The following SCAPER variants were observed in gnomAD, a reference collection of about 807,000 sequenced individuals.
The protein encoded by SCAPER is S phase cyclin A-associated protein in the endoplasmic reticulum.
Under a neutral mutation model 182.2 loss-of-function variants are expected in SCAPER, and 98 were observed. That is an observed-to-expected ratio of 0.54 (90% CI 0.46 to 0.64). The LOEUF (loss-of-function observed/expected upper bound fraction) is 0.64, where lower values mean the gene tolerates loss of function less well. SCAPER is among the 30% of genes least tolerant of loss of function. The probability of loss-of-function intolerance (pLI) is 0.00; values close to 1 mark genes in which losing one functional copy is unlikely to be tolerated. For synonymous variants in SCAPER, 605 were observed against 564.6 expected, an observed-to-expected ratio of 1.07 and a Z score of -1.01; for missense variants, 1,432 against 1,690.0, an observed-to-expected ratio of 0.85 and a Z score of 2.68.
chr15:76,740,399 T>C (rs906772451), intron 15 of SCAPER, among the ~76,000 whole-genome samples: 6 of 152,138 alleles, frequency 3.9e-5, no homozygotes, highest in African/African-American at 9.6e-5. Context: ...TCATAAAAAA[T>C]TGACTCAGAA....
Position 76,667,650 on chromosome 15 carries a change from A to C in SCAPER, c.2509-1861T>G, listed in dbSNP as rs1309864372. Among the ~76,000 whole-genome samples the C allele has an allele frequency of 2.8e-3, 289 of 103,888 alleles. 2 individuals carry two copies. The highest frequency in any genetic ancestry group is 9.8e-3 in the African/African-American group (269 of 27,370). 68.2% of individuals were successfully genotyped at this position (103,888 alleles called of 152,430 possible). A position where few individuals can be genotyped will look rare whatever the true frequency, so the allele number is the denominator to read the frequency against. ...CAAAAAAAAAAAAAAAAAAAAAAAA[A>C]AAAAAAAAAAAACGCTCCTCAGCCA... On this transcript the variant is annotated intron_variant, in intron 20 of 31. Coordinates refer to ENST00000563290, the MANE Select transcript of SCAPER (RefSeq NM_020843.4).
chr15:76,821,348 G>A (rs1186982442), intron 5 of SCAPER, among the ~76,000 whole-genome samples: 1 of 152,236 alleles, frequency 6.6e-6, no homozygotes, highest in Non-Finnish European at 1.5e-5. Context: ...GCCAAGTAAG[G>A]TGGCTCACGC....
chr15:76,504,850 T>C lies in SCAPER; in HGVS notation c.2954+9A>G. ...AAACGTAAAAAATAGATTAAGAAACTATACTTACTTAGGAGGAATTCTTAA... is the reference window on the plus strand; with the variant it reads ...AAACGTAAAAAATAGATTAAGAAACCATACTTACTTAGGAGGAATTCTTAA... On this transcript the variant is annotated intron_variant, in intron 24 of 31. Transcript: ENST00000563290. 1.3e-6 allele frequency: 2 copies of C among 1,585,664 alleles called. No individual in the cohort carries two copies. The highest frequency in any genetic ancestry group is 1.4e-5 in the African/African-American group (1 of 73,666).
chr15:76,406,644 ACACACT>A (rs370869606), intron 26 of SCAPER, among the ~76,000 whole-genome samples: 1 of 122,878 alleles, frequency 8.1e-6, no homozygotes, highest in Admixed American at 8.6e-5. Context: ...ACACACACAC[ACACACT>A]AGCAAACAAA....
At chr15:76,657,964 G>A (rs138923533) in intron 21 of SCAPER, among the ~76,000 whole-genome samples, 1 of 152,086 alleles carries the variant, frequency 6.6e-6, no homozygotes, top group Admixed American at 6.5e-5. Context: ...ATATCATACT[G>A]AACAGGCAAA....
At chr15:76,420,317 G>C (rs561572414) in intron 26 of SCAPER, among the ~76,000 whole-genome samples, 4 of 136,830 alleles carry the variant, frequency 2.9e-5, no homozygotes, top group African/African-American at 1.1e-4. Context: ...AGATCCTCTT[G>C]CCTTAGTCTC....
At chr15:76,364,955 G>A (rs2041708140) in intron 29 of SCAPER, among the ~76,000 whole-genome samples, 1 of 152,014 alleles carries the variant, frequency 6.6e-6, no homozygotes, top group Non-Finnish European at 1.5e-5. Context: ...CCCTGAACCT[G>A]CCAGGCCATT....
At chr15:76,740,525 C>G (rs952528401) in intron 15 of SCAPER, among the ~76,000 whole-genome samples, 1 of 74,124 alleles carries the variant, frequency 1.3e-5, no homozygotes, top group Admixed American at 1.3e-4. Context: ...TCAGTGTAGA[C>G]TCGGCCTTCC....
chr15:76,766,264 T>C (rs550453849), intron 11 of SCAPER, among the ~76,000 whole-genome samples: 1 of 152,016 alleles, frequency 6.6e-6, no homozygotes. Flanking sequence ...GCCCAGCTAA[T>C]TTTTGTATTT....
At chr15:76,521,861 A>G (rs143160785) in intron 23 of SCAPER, among the ~76,000 whole-genome samples, 72 of 152,292 alleles carry the variant, frequency 4.7e-4, no homozygotes, top group African/African-American at 1.6e-3. Flanking sequence ...ACAAGTCTCT[A>G]AAGTCTTCTA....
chr15:76,705,999 T>G lies in SCAPER; in HGVS notation c.2166-15A>C. The G allele has an allele frequency of 6.6e-7, 1 of 1,524,558 alleles. No homozygotes were observed. 94.4% of individuals were successfully genotyped at this position (1,524,558 alleles called of 1,614,324 possible). A position where few individuals can be genotyped will look rare whatever the true frequency, so the allele number is the denominator to read the frequency against. ...CTTCCCTGTCTCTGTAAGAAGACAG[T>G]AAAAATTATAAACTCAACTGCTTAA... On this transcript the variant is annotated splice_polypyrimidine_tract_variant and intron_variant, in intron 17 of 31. Transcript: ENST00000563290.
intron 21 of SCAPER, among the ~76,000 whole-genome samples, chr15:76,644,623 C>T (rs2054390637): frequency 6.6e-6 from 1 of 151,914 alleles, no homozygotes; most frequent in Admixed American, 6.6e-5. Flanking sequence ...CTGCTTTACA[C>T]ATGTTATCAA....
rs1020684593 is a variant in SCAPER, at chr15:76,419,827, C to T, written c.3311+14251G>A. ...TTCTCTGATTTCAAAACCAGACAAA[C>T]ATGTAACAAAAGAAAATTACAAGCC... On this transcript the variant is annotated intron_variant, in intron 26 of 31. Transcript: ENST00000563290. 3.9e-5 allele frequency among the ~76,000 whole-genome samples: 6 copies of T among 152,268 alleles called. No homozygotes were observed. The South Asian group carries it at 1.2e-3, about 32-fold the overall frequency.
chr15:76,554,513 T>C (rs1028073265), intron 23 of SCAPER, among the ~76,000 whole-genome samples: 5 of 152,094 alleles, frequency 3.3e-5, no homozygotes, highest in Non-Finnish European at 7.4e-5. Flanking sequence ...AAGATGACCA[T>C]CCCTCAAGAC....
At chr15:76,584,425 C>T (rs1029393456) in intron 22 of SCAPER, among the ~76,000 whole-genome samples, 1 of 152,230 alleles carries the variant, frequency 6.6e-6, no homozygotes, top group South Asian at 2.1e-4. Context: ...TAGTTTGTGA[C>T]ATTAAGAGAG....
chr15:76,399,160 T>C (rs2044283074), intron 27 of SCAPER, among the ~76,000 whole-genome samples: 2 of 152,132 alleles, frequency 1.3e-5, no homozygotes, highest in Admixed American at 1.3e-4. Context: ...TTTTTTGAGA[T>C]GGAGTCTCAC....
At chr15:76,426,478 G>A (rs897387210) in intron 26 of SCAPER, among the ~76,000 whole-genome samples, 2 of 152,126 alleles carry the variant, frequency 1.3e-5, no homozygotes, top group East Asian at 1.9e-4. Flanking sequence ...CGTCTTCTGC[G>A]TCGCTCATGC....
chr15:76,692,006 T>G (rs933851552), intron 20 of SCAPER, among the ~76,000 whole-genome samples: 2 of 152,126 alleles, frequency 1.3e-5, no homozygotes, highest in African/African-American at 4.8e-5. Context: ...GAAAAAACTA[T>G]TCACCTACTG....
rs531328909 is a variant in SCAPER, at chr15:76,785,077, G to A, written c.773-9960C>T. On this transcript the variant is annotated intron_variant, in intron 8 of 31. Coordinates refer to ENST00000563290, the MANE Select transcript of SCAPER (RefSeq NM_020843.4). ...CTTCTGCAGAGCAGAGCAAACTACCGTCAGAGTGAACAGGCATCCTACAGA... is the reference window on the plus strand; with the variant it reads ...CTTCTGCAGAGCAGAGCAAACTACCATCAGAGTGAACAGGCATCCTACAGA... Among the ~76,000 whole-genome samples the A allele has an allele frequency of 2.7e-4, 41 of 152,250 alleles. No individual in the cohort carries two copies. In the South Asian group the frequency reaches 3.3e-3, roughly 12 times the overall value.
Sources: gnomAD v4.1 joint callset for allele counts (sites outside exome capture counted in the v4.1 genomes callset) on GRCh38, gnomAD v4.1.1 for gene constraint, MANE v1.5 for transcripts, NCBI Gene and HGNC (gene_info 2026-07-23, HGNC 2026-07-21) for gene names.